The following TBC1D1 variants were observed in gnomAD, a reference collection of about 807,000 sequenced individuals.
TBC1D1 encodes TBC1 domain family member 1.
A neutral mutation model predicts 125.6 loss-of-function variants in TBC1D1; 89 were observed. That is an observed-to-expected ratio of 0.71 (90% confidence interval 0.60 to 0.85). The LOEUF is 0.85. Ranked by LOEUF, TBC1D1 falls within the 40% of genes least tolerant of loss-of-function variation. TBC1D1 has a pLI of 0.00. For synonymous variants in TBC1D1, 565 were observed against 564.1 expected, an observed-to-expected ratio of 1.00 and a Z score of -0.02; for missense variants, 1,377 against 1,469.2, an observed-to-expected ratio of 0.94 and a Z score of 1.03.
chr4:37,896,758 A>G (rs564828622), intron 1 of TBC1D1, among the ~76,000 whole-genome samples: 3 of 151,362 alleles, frequency 2.0e-5, no homozygotes, highest in African/African-American at 4.9e-5. Flanking sequence ...CTTTTCCAGA[A>G]TCTAGTTGCC....
chr4:37,957,374 C>T (rs927738847), intron 2 of TBC1D1, among the ~76,000 whole-genome samples: 2 of 152,206 alleles, frequency 1.3e-5, no homozygotes, highest in Non-Finnish European at 2.9e-5. Context: ...AATCCTAACA[C>T]TTTGGGAAGC....
intron 12 of TBC1D1, among the ~76,000 whole-genome samples, chr4:38,063,829 A>G (rs555220728): frequency 2.6e-5 from 4 of 152,120 alleles, no homozygotes; most frequent in Non-Finnish European, 5.9e-5. Flanking sequence ...GGGTTTCACC[A>G]TGTTGGCCAG....
At chr4:38,020,921 C>G (rs1743876087) in intron 5 of TBC1D1, 1 of 378,314 alleles carries the variant, frequency 2.6e-6, no homozygotes, top group African/African-American at 2.1e-5. Flanking sequence ...GTGTCACCTT[C>G]TGGTCTAGCA....
chr4:37,947,808 A>G (rs776883442), intron 2 of TBC1D1, among the ~76,000 whole-genome samples: 9 of 152,172 alleles, frequency 5.9e-5, no homozygotes, highest in Non-Finnish European at 1.3e-4. Flanking sequence ...TTTGGGGGTG[A>G]CGGGAAGTGT....
chr4:38,123,984 G>A (rs976857670), intron 17 of TBC1D1, among the ~76,000 whole-genome samples: 3 of 152,124 alleles, frequency 2.0e-5, no homozygotes, highest in African/African-American at 7.2e-5. Flanking sequence ...CCTCTCACCT[G>A]CTTTTGCTTT....
rs74792733 is a variant in TBC1D1, at chr4:38,058,099, C to T, written c.2050+3761C>T. ...GTTTCTGGGCATTTTAATGTACGTA[C>T]TTGCCTTCAGTCAATCTCCTCCGCC... is the stretch of plus-strand genomic sequence containing the variant. On this transcript the variant is annotated intron_variant, in intron 12 of 19. Transcript: ENST00000261439. Among the ~76,000 whole-genome samples the T allele has an allele frequency of 9.6e-3, 1,466 of 152,342 alleles. 22 individuals are homozygous for T. Among genetic ancestry groups the T allele is most frequent in the Middle Eastern group, 0.031 (9 of 294 alleles).
chr4:37,960,079 A>C (rs1441721274), intron 2 of TBC1D1, among the ~76,000 whole-genome samples: 2 of 152,266 alleles, frequency 1.3e-5, no homozygotes, highest in Admixed American at 1.3e-4. Flanking sequence ...ATAACGGCAG[A>C]AACTATTTAT....
intron 2 of TBC1D1, among the ~76,000 whole-genome samples, chr4:37,903,496 G>A (rs952758733): frequency 8.5e-5 from 13 of 152,196 alleles, no homozygotes; most frequent in African/African-American, 3.1e-4. Context: ...TGTACAGGGC[G>A]AGGATGCGAG....
At chr4:38,003,324 A>G (rs1046382023) in intron 2 of TBC1D1, among the ~76,000 whole-genome samples, 6 of 152,140 alleles carry the variant, frequency 3.9e-5, no homozygotes, top group Non-Finnish European at 7.3e-5. Flanking sequence ...GGAGGGGGAC[A>G]TGTTCTGTTT....
intron 18 of TBC1D1, among the ~76,000 whole-genome samples, chr4:38,128,366 G>A (rs981457683): frequency 1.3e-5 from 2 of 152,136 alleles, no homozygotes; most frequent in Admixed American, 6.5e-5. Context: ...GTAGTCTTAA[G>A]TTCTACACAG....
chr4:38,133,284 C>G (rs961404414), intron 19 of TBC1D1, 27 bp downstream of exon 21: 1 of 1,600,686 alleles, frequency 6.2e-7, no homozygotes, highest in South Asian at 1.1e-5. Context: ...AAGCAGCTTC[C>G]TGAATCACAA....
At chr4:37,940,654 G>A (rs1725370063) in intron 2 of TBC1D1, among the ~76,000 whole-genome samples, 2 of 152,184 alleles carry the variant, frequency 1.3e-5, no homozygotes, top group Admixed American at 6.5e-5. Flanking sequence ...GCTATTGGCT[G>A]TGAGTTTGTC....
intron 2 of TBC1D1, among the ~76,000 whole-genome samples, chr4:37,987,211 C>G (rs1053827000): frequency 6.6e-6 from 1 of 151,990 alleles, no homozygotes; most frequent in Non-Finnish European, 1.5e-5. Flanking sequence ...TTTATATGTG[C>G]CAGCCATTGT....
chr4:38,101,208 GA>G (rs1457867017), intron 14 of TBC1D1, among the ~76,000 whole-genome samples: 1 of 152,238 alleles, frequency 6.6e-6, no homozygotes, highest in Non-Finnish European at 1.5e-5. Flanking sequence ...AGAAACCAGA[GA>G]AACCATCCTT....
At chr4:37,898,177 G>T (rs1715048130) in intron 1 of TBC1D1, among the ~76,000 whole-genome samples, 1 of 152,176 alleles carries the variant, frequency 6.6e-6, no homozygotes, top group African/African-American at 2.4e-5. Flanking sequence ...ACTGATTTTG[G>T]AAACCCCAAA....
intron 12 of TBC1D1, among the ~76,000 whole-genome samples, chr4:38,087,216 C>T (rs887982432): frequency 1.7e-4 from 26 of 152,202 alleles, no homozygotes; most frequent in Admixed American, 2.6e-4. Flanking sequence ...TCACAGTTGT[C>T]GTCCCCAAAC....
At chr4:38,030,065 T>A (rs1745840204) in intron 7 of TBC1D1, among the ~76,000 whole-genome samples, 1 of 152,244 alleles carries the variant, frequency 6.6e-6, no homozygotes, top group Non-Finnish European at 1.5e-5. Flanking sequence ...AGAAACCATC[T>A]TTCTATCAAG....
chr4:37,960,784 T>A, intron 2 of TBC1D1: 2 of 1,614,122 alleles, frequency 1.2e-6, no homozygotes, highest in East Asian at 2.2e-5. Context: ...ATAGAAAAAT[T>A]CTTTCCCTTC....
chr4:37,952,371 G>C, intron 2 of TBC1D1: 1 of 388,878 alleles, frequency 2.6e-6, no homozygotes, highest in Non-Finnish European at 4.9e-6. Flanking sequence ...CCATCTCTCA[G>C]TCAATCCAAG....
Sources: allele counts gnomAD v4.1 joint callset (sites outside exome capture counted in the v4.1 genomes callset), GRCh38; gene constraint gnomAD v4.1.1; transcripts MANE v1.5; gene names NCBI Gene and HGNC (gene_info 2026-07-23, HGNC 2026-07-21).